The following FAM47C variants were observed in gnomAD, a reference collection of about 807,000 sequenced individuals.
FAM47C encodes putative protein FAM47C.
For synonymous variants in FAM47C, 307 were observed against 346.5 expected (o/e 0.89, Z 1.27); for missense variants, 847 against 879.9 (o/e 0.96, Z 0.47).
Position 37,010,599 on chromosome X carries a change from C to T in FAM47C, c.2189C>T (p.Pro730Leu), listed in dbSNP as rs1556333052. The T allele has an allele frequency of 8.3e-7, 1 of 1,208,032 alleles. No individual in the cohort carries two copies. Among genetic ancestry groups the T allele is most frequent in the Admixed American group, 2.2e-5 (1 of 45,672 alleles). The change falls in exon 1 of 1, where the codon CCT becomes CTT. Residue 730 changes from proline to leucine, a missense_variant. By Grantham distance (98) the Pro-to-Leu change is moderately conservative. Coordinates refer to ENST00000358047, the MANE Select transcript of FAM47C (RefSeq NM_001013736.3). ...CGCGTATCTCATCTCTGCCCGGAGCCTCCTGAGACTGGAGTGTCCCATCTC... is the reference window on the plus strand; with the variant it reads ...CGCGTATCTCATCTCTGCCCGGAGCTTCCTGAGACTGGAGTGTCCCATCTC... Reference protein sequence around the residue: ...ESRVSHLCPEPPETGVSHLRP... With the variant: ...ESRVSHLCPELPETGVSHLRP...
In FAM47C at chrX:37,010,647, G is replaced by C. The variant is rs1465324182; in HGVS notation, c.2237G>C (p.Arg746Pro). ...CTCCGCCCAGAGCCTCCCAAGCCTCGGGTTTCCAGTCTCCGCCCAGAGCCT... is the reference window on the plus strand; with the variant it reads ...CTCCGCCCAGAGCCTCCCAAGCCTCCGGTTTCCAGTCTCCGCCCAGAGCCT... ...SHLRPEPPKP[R>P]VSSLRPEPLE... The change falls in exon 1 of 1, where the codon CGG (arginine) becomes CCG (proline). Residue 746 changes from arginine (R) to proline (P), a missense_variant. Arg to Pro is a moderately radical substitution (Grantham distance 103). Transcript: ENST00000358047. 4 of 1,202,869 alleles carry C rather than the reference G, an allele frequency of 3.3e-6. No individual in the cohort carries two copies. The highest frequency in any genetic ancestry group is 1.8e-5 in the African/African-American group (1 of 54,690).
In FAM47C at chrX:37,010,832, C is replaced by T. The variant is rs375850001; in HGVS notation, c.2422C>T (p.Arg808Trp). ...CCGCCTGGAGCCTCCCAAGACTGGT[C>T]GGGTGTCCAGTCTCTGCCCGGAGCC... Reference protein sequence around the residue: ...SLRLEPPKTGRVSSLCPEPTK... With the variant: ...SLRLEPPKTGWVSSLCPEPTK... Residue 808 changes from arginine (R) to tryptophan (W), a missense_variant, in exon 1 of 1, where the codon CGG becomes TGG. Physicochemically the swap from Arg to Trp is moderately radical, Grantham distance 101 (BLOSUM62 -3). Coordinates refer to ENST00000358047, the MANE Select transcript of FAM47C (RefSeq NM_001013736.3). 3.1e-5 allele frequency: 37 copies of T among 1,209,298 alleles called. No homozygotes were observed. The African/African-American group carries it at 5.3e-4, about 17-fold the overall frequency.
In FAM47C at chrX:37,010,606, G is replaced by A. The variant is rs368244972; in HGVS notation, c.2196G>A (p.Glu732=). 23 of 1,198,410 alleles carry A rather than the reference G, an allele frequency of 1.9e-5. No individual in the cohort carries two copies. In the Middle Eastern group the frequency reaches 7.0e-4, roughly 36 times the overall value. ...CTCATCTCTGCCCGGAGCCTCCTGAGACTGGAGTGTCCCATCTCCGCCCAG... is the reference window on the plus strand; with the variant it reads ...CTCATCTCTGCCCGGAGCCTCCTGAAACTGGAGTGTCCCATCTCCGCCCAG... The part of the protein sequence containing the change: ...RVSHLCPEPP[E]TGVSHLRPEP... The change falls in exon 1 of 1, where the codon GAG becomes GAA. Residue 732 remains glutamate (E), a synonymous_variant. Coordinates refer to ENST00000358047, the MANE Select transcript of FAM47C (RefSeq NM_001013736.3).
At position 37,011,500 on chromosome X, in the gene FAM47C, T is replaced by G. The variant is rs1556333490; in HGVS notation, c.3090T>G (p.Asp1030Glu). Residue 1030 changes from aspartate to glutamate, a missense_variant, in exon 1 of 1, where the codon GAT becomes GAG. Physicochemically the swap from Asp to Glu is conservative, Grantham distance 45. Transcript: ENST00000358047. ...QVYKYKEDVTDASEED is the reference protein window; with the variant it reads ...QVYKYKEDVTEASEED ...ACAAGTACAAAGAAGACGTCACAGA[T>G]GCATCGGAAGAAGATTAGATGGTTT... The G allele has an allele frequency of 8.4e-7, 1 of 1,189,019 alleles. No homozygotes were observed. Among genetic ancestry groups the G allele is most frequent in the East Asian group, 3.0e-5 (1 of 33,588 alleles).
rs370198155 is a variant in FAM47C at position 37,010,205 on chromosome X, C to T, written c.1795C>T (p.Pro599Ser). The T allele has an allele frequency of 2.4e-4, 284 of 1,169,989 alleles. No individual in the cohort carries two copies. Among genetic ancestry groups the T allele is most frequent in the Admixed American group, 2.6e-4 (11 of 41,981 alleles). Residue 599 changes from proline to serine, a missense_variant, in exon 1 of 1, where the codon CCC (proline) becomes TCC (serine). Physicochemically the swap from Pro to Ser is moderately conservative, Grantham distance 74 (BLOSUM62 -1). Coordinates refer to ENST00000358047, the MANE Select transcript of FAM47C (RefSeq NM_001013736.3). ...GGTGTCCAGTCTCCCCCCGGAGCCC[C>T]CCGAGACTGGAGTGTCCCATCTCTG... ...TRVSSLPPEP[P>S]ETGVSHLCPE...
chrX:37,011,149 A>C lies in FAM47C; in HGVS notation c.2739A>C (p.Ser913=). 8.3e-7 allele frequency: 1 copy of C among 1,211,120 alleles called. No individual in the cohort carries two copies. Among genetic ancestry groups the C allele is most frequent in the Non-Finnish European group, 1.1e-6 (1 of 895,118 alleles). The part of the protein sequence containing the change: ...LDEMDEVKFF[S]QEKDLDGKIQ... ...AAATGGATGAGGTCAAATTCTTCTCACAGGAAAAAGACTTGGACGGGAAAA... is the reference window on the plus strand; with the variant it reads ...AAATGGATGAGGTCAAATTCTTCTCCCAGGAAAAAGACTTGGACGGGAAAA... Residue 913 remains serine, a synonymous_variant, in exon 1 of 1, where the codon TCA becomes TCC. Transcript: ENST00000358047.
chrX:37,011,484 A>G lies in FAM47C; in HGVS notation c.3074A>G (p.Lys1025Arg). ...CGTGCAATGCAAGTTTACAAGTACA[A>G]AGAAGACGTCACAGATGCATCGGAA... ...IQRAMQVYKYKEDVTDASEED is the reference protein window; with the variant it reads ...IQRAMQVYKYREDVTDASEED Residue 1025 changes from lysine (K) to arginine (R), a missense_variant, in exon 1 of 1, where the codon AAA becomes AGA. Physicochemically the swap from Lys to Arg is conservative, Grantham distance 26. Coordinates refer to ENST00000358047, the MANE Select transcript of FAM47C (RefSeq NM_001013736.3). The G allele has an allele frequency of 8.3e-7, 1 of 1,202,587 alleles. No individual in the cohort carries two copies. Among genetic ancestry groups the G allele is most frequent in the Non-Finnish European group, 1.1e-6 (1 of 890,631 alleles).
chrX:37,008,927 G>A lies in FAM47C; in HGVS notation c.517G>A (p.Asp173Asn). Residue 173 changes from aspartate to asparagine, a missense_variant, in exon 1 of 1, where the codon GAC (aspartate) becomes AAC (asparagine). By Grantham distance (23) the Asp-to-Asn change is conservative. Coordinates refer to ENST00000358047, the MANE Select transcript of FAM47C (RefSeq NM_001013736.3). ...TTGTGAGGGCCAGGAGAAGACAACT[G>A]ACGAACCCACGGAGCCTGGTAAATA... ...GSCEGQEKTT[D>N]EPTEPGKYPC... is the part of the protein sequence containing the mutation. The A allele has an allele frequency of 8.3e-7, 1 of 1,211,631 alleles. No individual in the cohort carries two copies. Among genetic ancestry groups the A allele is most frequent in the Non-Finnish European group, 1.1e-6 (1 of 895,319 alleles).
Position 37,010,824 on chromosome X carries a change from A to G in FAM47C, c.2414A>G (p.Lys805Arg). The G allele has an allele frequency of 8.3e-7, 1 of 1,210,025 alleles. No homozygotes were observed. The highest frequency in any genetic ancestry group is 1.1e-6 in the Non-Finnish European group (1 of 894,934). ...TCCAGTCTCCGCCTGGAGCCTCCCAAGACTGGTCGGGTGTCCAGTCTCTGC... is the reference window on the plus strand; with the variant it reads ...TCCAGTCTCCGCCTGGAGCCTCCCAGGACTGGTCGGGTGTCCAGTCTCTGC... ...RVSSLRLEPPKTGRVSSLCPE... is the reference protein window; with the variant it reads ...RVSSLRLEPPRTGRVSSLCPE... The change falls in exon 1 of 1, where the codon AAG becomes AGG. Residue 805 changes from lysine (K) to arginine (R), a missense_variant. Coordinates refer to ENST00000358047, the MANE Select transcript of FAM47C (RefSeq NM_001013736.3).
In FAM47C at chrX:37,008,382, G is replaced by A. The variant is rs1341660630; in HGVS notation, c.-29G>A. 3 of 1,159,765 alleles carry A rather than the reference G, an allele frequency of 2.6e-6. No homozygotes were observed. In the African/African-American group the frequency reaches 5.4e-5, roughly 21 times the overall value. On this transcript the variant is annotated 5_prime_UTR_variant, in exon 1 of 1. Coordinates refer to ENST00000358047, the MANE Select transcript of FAM47C (RefSeq NM_001013736.3). ...TCAGGGATCAGGAACCGCGGAAACT[G>A]GAGAGGTGGCACCCCAGCGAGGGCC...
chrX:37,010,482 G>T lies in FAM47C; in HGVS notation c.2072G>T (p.Arg691Leu). The T allele has an allele frequency of 1.7e-6, 2 of 1,196,066 alleles. No homozygotes were observed. The highest frequency in any genetic ancestry group is 2.2e-6 in the Non-Finnish European group (2 of 890,605). The change falls in exon 1 of 1, where the codon CGC becomes CTC. Residue 691 changes from arginine to leucine, a missense_variant. Arg to Leu is a moderately radical substitution (Grantham distance 102, BLOSUM62 -2). Transcript: ENST00000358047. ...EPPETRVSHL[R>L]PEPPETGVSR... ...CCAGAGACTCGCGTATCTCATCTCC[G>T]CCCAGAGCCTCCTGAGACTGGAGTG...
At position 37,010,250 on chromosome X, in the gene FAM47C, C is replaced by T; in HGVS notation, c.1840C>T (p.Arg614Cys). 8.8e-7 allele frequency: 1 copy of T among 1,137,923 alleles called. No individual in the cohort carries two copies. Among genetic ancestry groups the T allele is most frequent in the Non-Finnish European group, 1.2e-6 (1 of 868,211 alleles). 93.8% of individuals were successfully genotyped at this position (1,137,923 alleles called of 1,213,427 possible). ...TCTCTGCCCGGAGCCTCCAGAGACT[C>T]GCGTATCTCATCTCCGCCCAGAGCC... Reference protein sequence around the residue: ...SHLCPEPPETRVSHLRPEPPE... With the variant: ...SHLCPEPPETCVSHLRPEPPE... The change falls in exon 1 of 1, where the codon CGC (arginine) becomes TGC (cysteine). Residue 614 changes from arginine (R) to cysteine (C), a missense_variant. Coordinates refer to ENST00000358047, the MANE Select transcript of FAM47C (RefSeq NM_001013736.3).
Position 37,009,568 on chromosome X carries a change from C to A in FAM47C, c.1158C>A (p.Arg386=), listed in dbSNP as rs1374510727. ...SHLCPEPPKT[R]VPPLRPETPK... ...TCTGCCCGGAACCTCCCAAGACTCG[C>A]GTACCTCCTCTCCGCCCAGAGACCC... Residue 386 remains arginine (R), a synonymous_variant, in exon 1 of 1, where the codon CGC becomes CGA. Coordinates refer to ENST00000358047, the MANE Select transcript of FAM47C (RefSeq NM_001013736.3). 2 of 1,201,814 alleles carry A rather than the reference C, an allele frequency of 1.7e-6. No homozygotes were observed. Among genetic ancestry groups the A allele is most frequent in the African/African-American group, 1.8e-5 (1 of 54,669 alleles).
At position 37,009,622 on chromosome X, in the gene FAM47C, G is replaced by A. The variant is rs782722774; in HGVS notation, c.1212G>A (p.Pro404=). Residue 404 remains proline, a synonymous_variant, in exon 1 of 1, where the codon CCG becomes CCA. Transcript: ENST00000358047. Reference sequence around the variant, plus strand: ...AGAATGGAGTGTCTCCTCTCTTCCCGGAGCCTCCCAAGACTCGCATATCTA... The same window carrying A: ...AGAATGGAGTGTCTCCTCTCTTCCCAGAGCCTCCCAAGACTCGCATATCTA... The part of the protein sequence containing the change: ...TPKNGVSPLF[P]EPPKTRISNL... 6.0e-5 allele frequency: 71 copies of A among 1,192,957 alleles called. No individual in the cohort carries two copies. The Middle Eastern group carries it at 1.2e-3, about 20-fold the overall frequency.
At position 37,009,126 on chromosome X, in the gene FAM47C, C is replaced by T. The variant is rs1556331846; in HGVS notation, c.716C>T (p.Pro239Leu). 2 of 1,210,327 alleles carry T rather than the reference C, an allele frequency of 1.7e-6. No homozygotes were observed. Among genetic ancestry groups the T allele is most frequent in the Non-Finnish European group, 2.2e-6 (2 of 894,924 alleles). ...TQVSSLHLEP[P>L]ETGVSHLRPE... ...GTGTCCAGTCTCCACCTGGAGCCTCCAGAGACTGGAGTGTCCCATCTCCGC... is the reference window on the plus strand; with the variant it reads ...GTGTCCAGTCTCCACCTGGAGCCTCTAGAGACTGGAGTGTCCCATCTCCGC... Residue 239 changes from proline to leucine, a missense_variant, in exon 1 of 1, where the codon CCA (proline) becomes CTA (leucine). Coordinates refer to ENST00000358047, the MANE Select transcript of FAM47C (RefSeq NM_001013736.3).
rs147623513 is a variant in FAM47C at position 37,008,932 on chromosome X, A to G, written c.522A>G (p.Glu174=). ...SCEGQEKTTD[E]PTEPGKYPCG... ...AGGGCCAGGAGAAGACAACTGACGAACCCACGGAGCCTGGTAAATACCCCT... is the reference window on the plus strand; with the variant it reads ...AGGGCCAGGAGAAGACAACTGACGAGCCCACGGAGCCTGGTAAATACCCCT... Residue 174 remains glutamate, a synonymous_variant, in exon 1 of 1, where the codon GAA becomes GAG. Coordinates refer to ENST00000358047, the MANE Select transcript of FAM47C (RefSeq NM_001013736.3). 16 of 1,209,651 alleles carry G rather than the reference A, an allele frequency of 1.3e-5. No individual in the cohort carries two copies. The highest frequency in any genetic ancestry group is 1.8e-5 in the Non-Finnish European group (16 of 894,911).
chrX:37,011,195 C>T lies in FAM47C; in HGVS notation c.2785C>T (p.His929Tyr). ...GAAAATCCAGAATGCACCAAATTCT[C>T]ATAGTGCACAGCATGTGAAGATGGG... is the stretch of plus-strand genomic sequence containing the variant. ...DGKIQNAPNS[H>Y]SAQHVKMGYG... Residue 929 changes from histidine to tyrosine, a missense_variant, in exon 1 of 1, where the codon CAT becomes TAT. Coordinates refer to ENST00000358047, the MANE Select transcript of FAM47C (RefSeq NM_001013736.3). The T allele has an allele frequency of 8.3e-7, 1 of 1,210,879 alleles. No homozygotes were observed. Among genetic ancestry groups the T allele is most frequent in the Non-Finnish European group, 1.1e-6 (1 of 895,113 alleles).
At position 37,010,077 on chromosome X, in the gene FAM47C, C is replaced by T; in HGVS notation, c.1667C>T (p.Ser556Phe). ...LRPEPPETGV[S>F]HLRPEPPKTR... The stretch of plus-strand genomic sequence containing the variant: ...CCAGAGCCTCCTGAGACTGGAGTGT[C>T]CCATCTCCGCCCAGAGCCTCCCAAG... Residue 556 changes from serine to phenylalanine, a missense_variant, in exon 1 of 1, where the codon TCC (serine) becomes TTC (phenylalanine). Coordinates refer to ENST00000358047, the MANE Select transcript of FAM47C (RefSeq NM_001013736.3). The T allele has an allele frequency of 8.3e-7, 1 of 1,200,929 alleles. No individual in the cohort carries two copies. Among genetic ancestry groups the T allele is most frequent in the Non-Finnish European group, 1.1e-6 (1 of 891,822 alleles).
In FAM47C at chrX:37,011,007, A is replaced by G; in HGVS notation, c.2597A>G (p.Glu866Gly). Residue 866 changes from glutamate to glycine, a missense_variant, in exon 1 of 1, where the codon GAA (glutamate) becomes GGA (glycine). Transcript: ENST00000358047. ...GCTGGAGACCTAGGAGTTAATGAAG[A>G]ATCCATCAGCAGTCTGTTTGACTTT... ...KWAGDLGVNE[E>G]SISSLFDFTP... is the part of the protein sequence containing the mutation. 8.2e-7 allele frequency: 1 copy of G among 1,212,252 alleles called. No individual in the cohort carries two copies. Among genetic ancestry groups the G allele is most frequent in the East Asian group, 3.0e-5 (1 of 33,864 alleles).
Sources: allele counts gnomAD v4.1 joint callset, GRCh38; gene constraint gnomAD v4.1.1; transcripts MANE v1.5; gene names NCBI Gene and HGNC (gene_info 2026-07-23, HGNC 2026-07-21).